ARIH2: variants seen among roughly 807,000 people sequenced by gnomAD.
ARIH2 encodes the protein E3 ubiquitin-protein ligase ARIH2.
In ARIH2, 12 loss-of-function variants were observed where a neutral mutation model predicts 79.8. The ratio of observed to expected loss-of-function variants is 0.15; its 90% CI spans 0.10 to 0.24. ARIH2 has a LOEUF of 0.24. Among genes scored for constraint, ARIH2 ranks in the 10% least tolerant of loss-of-function variants. The pLI, the probability that ARIH2 is intolerant of heterozygous loss-of-function variation, is 1.00. For synonymous variants in ARIH2, 224 were observed against 213.9 expected (o/e 1.05, Z -0.41); for missense variants, 301 against 618.3 (o/e 0.49, Z 5.44).
chr3:48,938,629 T>G (rs1405543731), intron 3 of ARIH2, among the ~76,000 whole-genome samples: 1 of 152,030 alleles, frequency 6.6e-6, no homozygotes, highest in Non-Finnish European at 1.5e-5. Flanking sequence ...ATTAAAGGGG[T>G]TAAAGTAAAT....
rs571130606 is a variant in ARIH2, at chr3:48,972,729, T to A, written c.771-970T>A. ...TCCTGGTCTAAAGCAATCCTTTTTTTAAAAAACAGGGTCTCTCTCAGTTGT... is the reference window on the plus strand; with the variant it reads ...TCCTGGTCTAAAGCAATCCTTTTTTAAAAAAACAGGGTCTCTCTCAGTTGT... On this transcript the variant is annotated intron_variant, in intron 8 of 15. Transcript: ENST00000356401. Among the ~76,000 whole-genome samples, 15 of 152,214 alleles carry A rather than the reference T, an allele frequency of 9.9e-5. No individual in the cohort carries two copies. In the East Asian group the frequency reaches 1.9e-3, roughly 20 times the overall value.
At chr3:48,945,511 CA>C (rs1391692363) in intron 3 of ARIH2, among the ~76,000 whole-genome samples, 2 of 152,116 alleles carry the variant, frequency 1.3e-5, no homozygotes, top group East Asian at 3.8e-4. Flanking sequence ...CTGGAACTCG[CA>C]AAACCTTTTT....
intron 1 of ARIH2, chr3:48,919,294 C>T: frequency 2.0e-6 from 2 of 992,394 alleles, no homozygotes; most frequent in Non-Finnish European, 2.6e-6. Flanking sequence ...TCTGGCGCGG[C>T]GGGGAAACGC....
intron 11 of ARIH2, 114 bp downstream of exon 11, chr3:48,975,093 G>A: frequency 1.9e-6 from 3 of 1,567,382 alleles, no homozygotes; most frequent in Non-Finnish European, 2.6e-6. Flanking sequence ...AAGAACCTCA[G>A]TCACTTAACA....
chr3:48,961,328 A>G (rs1216459323), intron 3 of ARIH2, among the ~76,000 whole-genome samples: 2 of 152,198 alleles, frequency 1.3e-5, no homozygotes, highest in East Asian at 3.8e-4. Flanking sequence ...AATAGATGCT[A>G]GGTTGTTATT....
At chr3:48,956,439 C>A in intron 3 of ARIH2, among the ~76,000 whole-genome samples, 1 of 36,256 alleles carries the variant, frequency 2.8e-5, no homozygotes, top group East Asian at 6.5e-4. Context: ...GCGCCCGGCA[C>A]TTTTTTTTTT....
At chr3:48,947,886 T>C (rs544192654) in intron 3 of ARIH2, among the ~76,000 whole-genome samples, 2 of 152,356 alleles carry the variant, frequency 1.3e-5, no homozygotes, top group East Asian at 3.9e-4. Flanking sequence ...CAACTCATTT[T>C]TGAAGCAGCT....
chr3:48,925,836 A>G (rs1429835965), intron 2 of ARIH2, among the ~76,000 whole-genome samples: 2 of 151,068 alleles, frequency 1.3e-5, no homozygotes, highest in African/African-American at 4.9e-5. Context: ...CTCCTGCCTC[A>G]GCCACCTGAG....
intron 3 of ARIH2, among the ~76,000 whole-genome samples, chr3:48,928,166 C>A (rs954789924): frequency 2.6e-5 from 4 of 152,210 alleles, no homozygotes; most frequent in Non-Finnish European, 5.9e-5. Context: ...ATCAGAATCA[C>A]CATCTTCTGT....
intron 3 of ARIH2, among the ~76,000 whole-genome samples, chr3:48,933,640 A>G (rs1020331253): frequency 1.4e-5 from 2 of 143,084 alleles, no homozygotes; most frequent in Non-Finnish European, 3.0e-5. Context: ...AGCTCCGCCT[A>G]CCGGGTTCAT....
At position 48,925,387 on chromosome 3, in the gene ARIH2, A is replaced by G. The variant is rs549939421; in HGVS notation, c.-97-2075A>G. On this transcript the variant is annotated intron_variant, in intron 2 of 15. Transcript: ENST00000356401. ...CTCGGCCTCCCAAAGTGCTGGGATTACAGGCATGAGCCACCGCGCCCAGCT... is the reference window on the plus strand; with the variant it reads ...CTCGGCCTCCCAAAGTGCTGGGATTGCAGGCATGAGCCACCGCGCCCAGCT... Among the ~76,000 whole-genome samples, 7 of 150,326 alleles carry G rather than the reference A, an allele frequency of 4.7e-5. No individual in the cohort carries two copies. The East Asian group carries it at 1.4e-3, about 30-fold the overall frequency.
chr3:48,925,592 T>TC (rs1175892401), intron 2 of ARIH2, among the ~76,000 whole-genome samples: 5 of 152,128 alleles, frequency 3.3e-5, no homozygotes, highest in African/African-American at 7.2e-5. Context: ...TTGTTTTTTT[T>TC]CAGACAGATT....
intron 3 of ARIH2, chr3:48,935,089 C>T (rs1028338916): frequency 2.6e-6 from 1 of 384,464 alleles, no homozygotes; most frequent in Admixed American, 6.4e-5. Context: ...AGTTTTCTTG[C>T]TTGCTTATCA....
chr3:48,927,970 A>G, intron 3 of ARIH2, 157 bp downstream of exon 3: 2 of 936,726 alleles, frequency 2.1e-6, no homozygotes, highest in South Asian at 1.8e-5. Flanking sequence ...TGTTACATTT[A>G]CTTTGTTTTC....
chr3:48,963,125 G>A (rs915994752), intron 4 of ARIH2, among the ~76,000 whole-genome samples: 1 of 152,140 alleles, frequency 6.6e-6, no homozygotes, highest in Non-Finnish European at 1.5e-5. Flanking sequence ...CATACCAGCT[G>A]GAGCAGCTCA....
Position 48,967,765 on chromosome 3 carries a change from C to T in ARIH2, c.538+490C>T, listed in dbSNP as rs151102160. 3.4e-3 allele frequency among the ~76,000 whole-genome samples: 515 copies of T among 152,286 alleles called. 5 individuals carry two copies. Among genetic ancestry groups the T allele is most frequent in the African/African-American group, 0.012 (485 of 41,552 alleles). On this transcript the variant is annotated intron_variant, in intron 6 of 15. Coordinates refer to ENST00000356401, the MANE Select transcript of ARIH2 (RefSeq NM_006321.4). The stretch of plus-strand genomic sequence containing the variant: ...ATCACCTCTAAATAATGTTAAACAT[C>T]ACAAAACTCAATTGTTAGTCAAGAA...
chr3:48,936,755 C>A (rs1393096972), intron 3 of ARIH2, among the ~76,000 whole-genome samples: 2 of 148,852 alleles, frequency 1.3e-5, no homozygotes, highest in African/African-American at 5.0e-5. Context: ...ACAGGCCGGG[C>A]GCTGTGGCTC....
chr3:48,922,881 A>G (rs2085005300), intron 2 of ARIH2, 70 bp downstream of exon 2: 1 of 152,160 alleles, frequency 6.6e-6, no homozygotes, highest in South Asian at 2.1e-4. Flanking sequence ...AGTTGTGATT[A>G]TGTGGCTCTA....
chr3:48,939,615 G>C (rs1262711899), intron 3 of ARIH2, among the ~76,000 whole-genome samples: 1 of 151,228 alleles, frequency 6.6e-6, no homozygotes, highest in Admixed American at 6.6e-5. Flanking sequence ...AAAATTAGCC[G>C]GGTGTGGTGG....
Sources: gnomAD v4.1 joint callset for allele counts (sites outside exome capture counted in the v4.1 genomes callset) on GRCh38, gnomAD v4.1.1 for gene constraint, MANE v1.5 for transcripts, NCBI Gene and HGNC (gene_info 2026-07-23, HGNC 2026-07-21) for gene names.